Variants in SGK3 observed in about 807,000 individuals in gnomAD.
SGK3 encodes serine/threonine-protein kinase Sgk3.
Under a neutral mutation model 68.5 loss-of-function variants are expected in SGK3, and 47 were observed. The observed-to-expected ratio is 0.69, with a 90% confidence interval of 0.54 to 0.87. The LOEUF is 0.87. SGK3 is among the 40% of genes least tolerant of loss of function. SGK3 has a pLI of 0.00. For missense variants in SGK3, 479 were observed against 575.5 expected, an observed-to-expected ratio of 0.83 and a Z score of 1.72; for synonymous variants, 181 against 189.1, an observed-to-expected ratio of 0.96 and a Z score of 0.35.
At chr8:66,728,938 A>T (rs192433300) in intron 1 of SGK3, among the ~76,000 whole-genome samples, 1 of 150,924 alleles carries the variant, frequency 6.6e-6, no homozygotes, top group Non-Finnish European at 1.5e-5. Flanking sequence ...AAAAATCTGG[A>T]CTGGGCACGG....
At chr8:66,733,266 C>T (rs1805221122) in intron 1 of SGK3, among the ~76,000 whole-genome samples, 1 of 152,158 alleles carries the variant, frequency 6.6e-6, no homozygotes, top group South Asian at 2.1e-4. Flanking sequence ...CATTCCTAGG[C>T]CTTCTAAATC....
chr8:66,733,626 A>G (rs1378245369), intron 1 of SGK3, among the ~76,000 whole-genome samples: 3 of 152,202 alleles, frequency 2.0e-5, no homozygotes, highest in Admixed American at 6.6e-5. Flanking sequence ...CATTAGATTC[A>G]CTAATTTCAG....
chr8:66,780,822 A>G (rs1806943083), intron 1 of SGK3, among the ~76,000 whole-genome samples: 1 of 152,210 alleles, frequency 6.6e-6, no homozygotes, highest in Non-Finnish European at 1.5e-5. Flanking sequence ...GAGTGAAATT[A>G]TCAGATTTAC....
At chr8:66,717,374 A>C (rs1416189498) in intron 1 of SGK3, among the ~76,000 whole-genome samples, 1 of 151,004 alleles carries the variant, frequency 6.6e-6, no homozygotes, top group African/African-American at 2.4e-5. Flanking sequence ...TACTAAAAAT[A>C]CAAAATTAGC....
chr8:66,717,267 C>T (rs553140801), intron 1 of SGK3, among the ~76,000 whole-genome samples: 2 of 149,674 alleles, frequency 1.3e-5, no homozygotes, highest in Admixed American at 6.7e-5. Context: ...TGGTGGCTCA[C>T]GCCTATAATC....
At chr8:66,776,318 G>A (rs536616916) in intron 1 of SGK3, among the ~76,000 whole-genome samples, 6 of 152,332 alleles carry the variant, frequency 3.9e-5, no homozygotes, top group Non-Finnish European at 8.8e-5. Context: ...GGTGAATGTA[G>A]CCTCATTTTA....
intron 1 of SGK3, among the ~76,000 whole-genome samples, chr8:66,734,650 C>T (rs1232910517): frequency 1.3e-5 from 2 of 152,014 alleles, no homozygotes; most frequent in Admixed American, 6.6e-5. Flanking sequence ...CAACTGTTGT[C>T]AAAAGTAGGT....
intron 1 of SGK3, among the ~76,000 whole-genome samples, chr8:66,725,402 GAA>G (rs376937192): frequency 0.03 from 4,180 of 139,568 alleles, 204 homozygotes; most frequent in African/African-American, 0.1. Flanking sequence ...GAGTGTCTCA[GAA>G]AAAAAAAAAA....
intron 1 of SGK3, among the ~76,000 whole-genome samples, chr8:66,769,833 A>C (rs1032870099): frequency 4.6e-5 from 7 of 152,040 alleles, no homozygotes; most frequent in African/African-American, 1.7e-4. Context: ...TGGCCTCTCA[A>C]AGTGGGATTA....
chr8:66,781,600 G>A (rs1806984259), intron 1 of SGK3, among the ~76,000 whole-genome samples: 1 of 152,230 alleles, frequency 6.6e-6, no homozygotes, highest in Admixed American at 6.5e-5. Flanking sequence ...TTCTCTAAAT[G>A]TCTGTAATAA....
chr8:66,778,456 T>A (rs568940691), intron 1 of SGK3, among the ~76,000 whole-genome samples: 1 of 152,168 alleles, frequency 6.6e-6, no homozygotes, highest in South Asian at 2.1e-4. Context: ...GCCACCACGC[T>A]CGGCTAATTT....
intron 1 of SGK3, among the ~76,000 whole-genome samples, chr8:66,753,844 A>C (rs377672031): frequency 6.6e-6 from 1 of 152,242 alleles, no homozygotes; most frequent in Non-Finnish European, 1.5e-5. Context: ...AAAAGAAAAG[A>C]ATATGATCTC....
In SGK3 at chr8:66,850,007, C is replaced by G. The variant is rs74553092; in HGVS notation, c.1231-824C>G. On this transcript the variant is annotated intron_variant, in intron 15 of 16. Transcript: ENST00000521198. ...GCTTCTTATGACCCTAGAGCAAAAT[C>G]CAAAATGTTTCATGTAGACCTGATA... 5.5e-3 allele frequency among the ~76,000 whole-genome samples: 845 copies of G among 152,280 alleles called. 9 individuals are homozygous for G. The highest frequency in any genetic ancestry group is 0.019 in the African/African-American group (808 of 41,558).
intron 1 of SGK3, among the ~76,000 whole-genome samples, chr8:66,733,126 A>G (rs1213459847): frequency 6.6e-6 from 1 of 152,166 alleles, no homozygotes; most frequent in African/African-American, 2.4e-5. Context: ...AGGAGAAAGT[A>G]TAGATTGGAT....
intron 1 of SGK3, among the ~76,000 whole-genome samples, chr8:66,735,025 TATG>T (rs1461000814): frequency 6.6e-6 from 1 of 152,160 alleles, no homozygotes; most frequent in African/African-American, 2.4e-5. Context: ...TTTTTTACTG[TATG>T]ATGTTATAAT....
intron 6 of SGK3, among the ~76,000 whole-genome samples, chr8:66,824,512 C>T (rs887408750): frequency 1.3e-5 from 2 of 151,830 alleles, no homozygotes; most frequent in Admixed American, 1.3e-4. Flanking sequence ...TAAGGTAAAA[C>T]AAGCACCCTT....
intron 8 of SGK3, among the ~76,000 whole-genome samples, chr8:66,834,939 C>CA (rs1330585850): frequency 0.068 from 4,132 of 60,498 alleles, 115 homozygotes; most frequent in Middle Eastern, 0.14. Flanking sequence ...GACTCTGTCT[C>CA]AAAAAAAAAA....
chr8:66,767,231 G>T (rs1398966479), intron 1 of SGK3, among the ~76,000 whole-genome samples: 1 of 152,032 alleles, frequency 6.6e-6, no homozygotes, highest in Non-Finnish European at 1.5e-5. Context: ...TTTGGATTAA[G>T]CATTATTATC....
At chr8:66,723,112 TATATATATATATATATATA>T (rs1323822655) in intron 1 of SGK3, among the ~76,000 whole-genome samples, 42 of 50,708 alleles carry the variant, frequency 8.3e-4, no homozygotes, top group Non-Finnish European at 1.2e-3. Flanking sequence ...TATATATATA[TATATATATATATATATATA>T]TTTTTTTTTT....
Sources: gnomAD v4.1 joint callset for allele counts (sites outside exome capture counted in the v4.1 genomes callset) on GRCh38, gnomAD v4.1.1 for gene constraint, MANE v1.5 for transcripts, NCBI Gene and HGNC (gene_info 2026-07-23, HGNC 2026-07-21) for gene names.